PAK3: variants seen among roughly 807,000 people sequenced by gnomAD.
PAK3 encodes the protein serine/threonine-protein kinase PAK 3.
A neutral mutation model predicts 41.0 loss-of-function variants in PAK3; 4 were observed. That is an observed-to-expected ratio of 0.10 (90% CI 0.05 to 0.22). PAK3 has a LOEUF of 0.22. PAK3 is among the 10% of genes least tolerant of loss of function. The pLI is 1.00. For missense variants in PAK3, 205 were observed against 409.9 expected, an observed-to-expected ratio of 0.50 and a Z score of 4.32; for synonymous variants, 146 against 139.6, an observed-to-expected ratio of 1.05 and a Z score of -0.32.
intron 1 of PAK3, among the ~76,000 whole-genome samples, chrX:111,085,752 G>A (rs888521375): frequency 2.7e-5 from 3 of 111,739 alleles, no homozygotes; most frequent in Non-Finnish European, 5.6e-5. Flanking sequence ...TTTGATTGAA[G>A]CATTGTTGCC....
intron 1 of PAK3, among the ~76,000 whole-genome samples, chrX:111,012,471 C>T (rs1186292387): frequency 9.0e-6 from 1 of 111,695 alleles, no homozygotes; most frequent in African/African-American, 3.3e-5. Context: ...CCTTTTCTAG[C>T]CACGATCACC....
intron 16 of PAK3, among the ~76,000 whole-genome samples, chrX:111,200,997 T>G (rs1048365329): frequency 8.9e-6 from 1 of 112,280 alleles, no homozygotes; most frequent in East Asian, 2.8e-4. Flanking sequence ...CCGCCTGATA[T>G]CTAAACAAGT....
At chrX:110,961,615 C>G (rs776362792) in intron 1 of PAK3, among the ~76,000 whole-genome samples, 4 of 111,692 alleles carry the variant, frequency 3.6e-5, no homozygotes, top group Non-Finnish European at 7.5e-5. Flanking sequence ...TCTACAATCT[C>G]TTTTGTCTTT....
intron 1 of PAK3, among the ~76,000 whole-genome samples, chrX:110,982,353 C>A (rs2091462905): frequency 8.9e-6 from 1 of 112,195 alleles, no homozygotes; most frequent in Non-Finnish European, 1.9e-5. Flanking sequence ...TGACGCTGAA[C>A]AAGTGCCTAA....
At chrX:111,056,595 G>T (rs961172442) in intron 1 of PAK3, among the ~76,000 whole-genome samples, 1 of 111,613 alleles carries the variant, frequency 9.0e-6, no homozygotes, top group African/African-American at 3.3e-5. Flanking sequence ...TTTGTGTATG[G>T]TTTTTTAAAT....
intron 4 of PAK3, among the ~76,000 whole-genome samples, chrX:111,117,963 T>G (rs989361415): frequency 4.5e-5 from 5 of 111,262 alleles, no homozygotes; most frequent in Non-Finnish European, 9.4e-5. Flanking sequence ...GGAATGGTAG[T>G]GTGGGTTCAG....
chrX:110,979,210 T>C (rs1159769155), intron 1 of PAK3, among the ~76,000 whole-genome samples: 1 of 110,905 alleles, frequency 9.0e-6, no homozygotes, highest in East Asian at 2.8e-4. Context: ...TCTTTTTCTT[T>C]ATCAGTCTTG....
At chrX:111,109,180 C>T (rs992316813) in intron 4 of PAK3, among the ~76,000 whole-genome samples, 1 of 111,906 alleles carries the variant, frequency 8.9e-6, no homozygotes, top group Admixed American at 9.4e-5. Context: ...TGTCATCTAC[C>T]TCATGGAGTT....
intron 10 of PAK3, among the ~76,000 whole-genome samples, chrX:111,172,533 T>C (rs764491882): frequency 3.0e-4 from 33 of 111,253 alleles, no homozygotes; most frequent in Non-Finnish European, 5.3e-4. Flanking sequence ...CAGTGTTTAT[T>C]GTTCCTATCT....
At chrX:110,991,366 T>C (rs1208265830) in intron 1 of PAK3, among the ~76,000 whole-genome samples, 1 of 111,716 alleles carries the variant, frequency 9.0e-6, no homozygotes, top group Admixed American at 9.5e-5. Context: ...CATCACCAGT[T>C]TTCATCTTAT....
rs779061662 is a variant in PAK3 at position 111,194,281 on chromosome X, C to A, written c.993-20C>A. On this transcript the variant is annotated intron_variant, in intron 13 of 17. Transcript: ENST00000372007. The stretch of plus-strand genomic sequence containing the variant: ...GTTTTTTAGCGTCATAAGGCAAAGT[C>A]TTTTCTTTTCTTGTTATAGCTACTT... 145 of 974,145 alleles carry A rather than the reference C, an allele frequency of 1.5e-4. No homozygotes were observed. Among genetic ancestry groups the A allele is most frequent in the Non-Finnish European group, 1.9e-4 (132 of 680,299 alleles). 80.3% of individuals were successfully genotyped at this position (974,145 alleles called of 1,213,427 possible). A position where few individuals can be genotyped will look rare whatever the true frequency, so the allele number is the denominator to read the frequency against.
chrX:111,069,653 C>T (rs139378645), intron 1 of PAK3, among the ~76,000 whole-genome samples: 1,131 of 109,850 alleles, frequency 0.01, 5 homozygotes, highest in South Asian at 0.077. Flanking sequence ...TCTCATATCT[C>T]AGAACAGGGG....
In PAK3 at chrX:111,185,618, T is replaced by TA. The variant is rs946862687; in HGVS notation, c.831-6508dup. ...TCAGTTTCAGTTTTCTGCATATGGATAGCCAGTTTTCCCAACACCATTTAT... is the reference window on the plus strand; with the variant it reads ...TCAGTTTCAGTTTTCTGCATATGGATAAGCCAGTTTTCCCAACACCATTTAT... On this transcript the variant is annotated intron_variant, in intron 11 of 17. Coordinates refer to ENST00000372007, the MANE Select transcript of PAK3 (RefSeq NM_002578.5). Among the ~76,000 whole-genome samples, 28 of 111,448 alleles carry TA rather than the reference T, an allele frequency of 2.5e-4. No homozygotes were observed. The Middle Eastern group carries it at 0.018, about 73-fold the overall frequency.
intron 16 of PAK3, among the ~76,000 whole-genome samples, chrX:111,198,291 T>C (rs922692162): frequency 8.9e-6 from 1 of 112,568 alleles, no homozygotes; most frequent in Non-Finnish European, 1.9e-5. Flanking sequence ...CTTACACTAT[T>C]GATAGTTTCT....
At chrX:110,984,996 G>A (rs943702612) in intron 1 of PAK3, among the ~76,000 whole-genome samples, 1 of 111,259 alleles carries the variant, frequency 9.0e-6, no homozygotes, top group Non-Finnish European at 1.9e-5. Flanking sequence ...AGGCGTGTTG[G>A]TGCACACCTG....
intron 14 of PAK3, 137 bp from the exon 15 acceptor site, chrX:111,195,705 G>T: frequency 2.1e-6 from 1 of 465,807 alleles, no homozygotes. Context: ...CTTTAAAGTG[G>T]TGTTGTTAAA....
At chrX:110,977,492 G>A (rs957317812) in intron 1 of PAK3, among the ~76,000 whole-genome samples, 1 of 111,299 alleles carries the variant, frequency 9.0e-6, no homozygotes, top group African/African-American at 3.3e-5. Flanking sequence ...AATTTGGAGA[G>A]TTTTGTCATC....
chrX:111,202,277 C>A (rs376533096), intron 16 of PAK3, among the ~76,000 whole-genome samples: 6 of 111,328 alleles, frequency 5.4e-5, no homozygotes, highest in East Asian at 5.7e-4. Flanking sequence ...TACTAATTGA[C>A]CTAATTTGTT....
chrX:111,031,027 T>C (rs1429453136), intron 1 of PAK3, among the ~76,000 whole-genome samples: 4 of 111,696 alleles, frequency 3.6e-5, no homozygotes, highest in Admixed American at 9.5e-5. Flanking sequence ...CATGAACTAG[T>C]GATGTGGTCA....
Sources: gnomAD v4.1 joint callset for allele counts (sites outside exome capture counted in the v4.1 genomes callset) on GRCh38, gnomAD v4.1.1 for gene constraint, MANE v1.5 for transcripts, NCBI Gene and HGNC (gene_info 2026-07-23, HGNC 2026-07-21) for gene names.